Variants in TTC39B observed in about 807,000 individuals in gnomAD.
TTC39B encodes tetratricopeptide repeat protein 39B.
Under a neutral mutation model 96.6 loss-of-function variants are expected in TTC39B, and 92 were observed. The observed-to-expected ratio is 0.95, with a 90% CI of 0.80 to 1.13. The LOEUF (loss-of-function observed/expected upper bound fraction) is 1.13, where lower values mean the gene tolerates loss of function less well. Ranked by LOEUF, TTC39B falls within the 50% of genes most tolerant of loss-of-function variation. The pLI is 0.00. For synonymous variants in TTC39B, 367 were observed against 299.4 expected (o/e 1.23, Z -2.33); for missense variants, 955 against 809.3 (o/e 1.18, Z -2.18).
chr9:15,186,076 C>G (rs993789091), intron 15 of TTC39B, among the ~76,000 whole-genome samples: 1 of 152,108 alleles, frequency 6.6e-6, no homozygotes, highest in Admixed American at 6.5e-5. Context: ...TTCCTGGGAG[C>G]ACTTTCTTAT....
chr9:15,240,906 A>G (rs1822008599), intron 2 of TTC39B, among the ~76,000 whole-genome samples: 1 of 152,172 alleles, frequency 6.6e-6, no homozygotes, highest in Non-Finnish European at 1.5e-5. Flanking sequence ...TATATTCCTG[A>G]ACTGCTTTCA....
At chr9:15,267,500 G>A (rs77213242) in intron 2 of TTC39B, among the ~76,000 whole-genome samples, 4,112 of 152,242 alleles carry the variant, frequency 0.027, 185 homozygotes, top group African/African-American at 0.094. Context: ...TAAGTAAATT[G>A]TAATATTCCA....
intron 1 of TTC39B, among the ~76,000 whole-genome samples, chr9:15,294,392 G>A (rs1824296454): frequency 6.6e-6 from 1 of 152,108 alleles, no homozygotes; most frequent in Admixed American, 6.5e-5. Context: ...CCAACATCTA[G>A]GTGCTACCTG....
At chr9:15,172,794 T>C (rs1014550418) in intron 19 of TTC39B, among the ~76,000 whole-genome samples, 2 of 152,176 alleles carry the variant, frequency 1.3e-5, no homozygotes, top group Admixed American at 1.3e-4. Context: ...AACTGCTTTC[T>C]TTACAGTGGC....
intron 8 of TTC39B, among the ~76,000 whole-genome samples, chr9:15,196,034 A>T (rs149226700): frequency 1.3e-5 from 2 of 152,342 alleles, no homozygotes; most frequent in East Asian, 3.9e-4. Flanking sequence ...TTAAAACAAC[A>T]AAGCCTGGAT....
chr9:15,180,511 C>A (rs1417987140), intron 17 of TTC39B, among the ~76,000 whole-genome samples: 1 of 152,170 alleles, frequency 6.6e-6, no homozygotes, highest in African/African-American at 2.4e-5. Context: ...CAGAGTATTG[C>A]AGAGTAGATC....
intron 8 of TTC39B, among the ~76,000 whole-genome samples, chr9:15,193,885 C>T (rs927157942): frequency 3.3e-5 from 5 of 152,130 alleles, no homozygotes; most frequent in African/African-American, 1.2e-4. Flanking sequence ...ATGTCAACAT[C>T]ATTAAAGACA....
chr9:15,173,871 T>C (rs867773636), intron 19 of TTC39B, among the ~76,000 whole-genome samples: 11 of 152,122 alleles, frequency 7.2e-5, no homozygotes, highest in African/African-American at 1.9e-4. Flanking sequence ...AACAGAAGTA[T>C]GTTTCGTTCT....
At chr9:15,271,014 T>C (rs185370067) in intron 1 of TTC39B, among the ~76,000 whole-genome samples, 35 of 152,160 alleles carry the variant, frequency 2.3e-4, no homozygotes, top group Admixed American at 7.8e-4. Context: ...CCAGTTGTAG[T>C]TTAATTACTT....
chr9:15,189,758 A>T, exon 12 of TTC39B: 2 of 1,613,714 alleles, frequency 1.2e-6, no homozygotes, highest in Non-Finnish European at 8.5e-7. Context: ...GTGCCAGGAG[A>T]CGCTCTGCTT....
chr9:15,214,051 A>C, intron 4 of TTC39B, 88 bp downstream of exon 4: 1 of 973,770 alleles, frequency 1.0e-6, no homozygotes, highest in Non-Finnish European at 1.6e-6. Flanking sequence ...TCAGATGGGA[A>C]CAGCTAAATT....
At chr9:15,279,800 T>G (rs1402179859) in intron 1 of TTC39B, among the ~76,000 whole-genome samples, 17 of 152,100 alleles carry the variant, frequency 1.1e-4, no homozygotes, top group Admixed American at 1.1e-3. Flanking sequence ...AATAGATCAG[T>G]CTATTACTAT....
chr9:15,173,773 A>G (rs1817782152), intron 19 of TTC39B, among the ~76,000 whole-genome samples: 1 of 152,140 alleles, frequency 6.6e-6, no homozygotes, highest in Non-Finnish European at 1.5e-5. Flanking sequence ...CCCTGACCTT[A>G]TCACTGAACT....
At chr9:15,260,277 GTTT>G (rs142111810) in intron 2 of TTC39B, among the ~76,000 whole-genome samples, 9 of 139,774 alleles carry the variant, frequency 6.4e-5, no homozygotes, top group African/African-American at 1.8e-4. Flanking sequence ...TCCTCATTGT[GTTT>G]TTTTTTTTTT....
chr9:15,209,883 T>A (rs1459134432), intron 6 of TTC39B, among the ~76,000 whole-genome samples: 1 of 152,190 alleles, frequency 6.6e-6, no homozygotes, highest in Non-Finnish European at 1.5e-5. Context: ...AAAAACCTTA[T>A]GTGTACCTTA....
At chr9:15,262,302 T>C (rs964779903) in intron 2 of TTC39B, among the ~76,000 whole-genome samples, 6 of 152,176 alleles carry the variant, frequency 3.9e-5, no homozygotes, top group African/African-American at 1.4e-4. Flanking sequence ...TTTTGGTATG[T>C]TGGCCAGGCT....
At chr9:15,235,929 A>T (rs889296364) in intron 2 of TTC39B, among the ~76,000 whole-genome samples, 1 of 103,164 alleles carries the variant, frequency 9.7e-6, no homozygotes, top group African/African-American at 2.8e-5. Flanking sequence ...CAACTAGCTA[A>T]CAACACTATG....
At position 15,299,553 on chromosome 9, in the gene TTC39B, T is replaced by A. The variant is rs180925720; in HGVS notation, c.240+7531A>T. On this transcript the variant is annotated intron_variant, in intron 1 of 19. Transcript: ENST00000512701. ...AGGGGGAGAAAAGGAGAGTGCTGACTAAGGTGGTGGCCAATGGGAGGCTCA... is the reference window on the plus strand; with the variant it reads ...AGGGGGAGAAAAGGAGAGTGCTGACAAAGGTGGTGGCCAATGGGAGGCTCA... 4.0e-3 allele frequency among the ~76,000 whole-genome samples: 611 copies of A among 151,986 alleles called. 1 individual carries two copies. Among genetic ancestry groups the A allele is most frequent in the Middle Eastern group, 0.024 (7 of 290 alleles).
chr9:15,287,194 G>A (rs1204985635), intron 1 of TTC39B, among the ~76,000 whole-genome samples: 1 of 152,198 alleles, frequency 6.6e-6, no homozygotes, highest in African/African-American at 2.4e-5. Context: ...TTGGAGGGGA[G>A]CCCAAAGGGC....
Sources: allele counts gnomAD v4.1 joint callset (sites outside exome capture counted in the v4.1 genomes callset), GRCh38; gene constraint gnomAD v4.1.1; transcripts MANE v1.5; gene names NCBI Gene and HGNC (gene_info 2026-07-23, HGNC 2026-07-21).